Variants in ASB5 observed in about 807,000 individuals in gnomAD.
The protein encoded by ASB5 is ankyrin repeat and SOCS box protein 5.
Under a neutral mutation model 42.1 loss-of-function variants are expected in ASB5, and 45 were observed. The ratio of observed to expected loss-of-function variants is 1.07; its 90% confidence interval spans 0.84 to 1.37. The LOEUF (loss-of-function observed/expected upper bound fraction) is 1.37, where lower values mean the gene tolerates loss of function less well. ASB5 is among the 40% of genes most tolerant of loss of function. The probability of loss-of-function intolerance (pLI) is 0.00; values close to 1 mark genes in which losing one functional copy is unlikely to be tolerated. For synonymous variants in ASB5, 147 were observed against 150.6 expected (o/e 0.98, Z 0.18); for missense variants, 402 against 399.8 (o/e 1.01, Z -0.05).
intron 1 of ASB5, among the ~76,000 whole-genome samples, chr4:176,249,715 G>T (rs1382956732): frequency 6.7e-6 from 1 of 150,272 alleles, no homozygotes; most frequent in Non-Finnish European, 1.5e-5. Flanking sequence ...GCTCCAGAGG[G>T]CTGGGGAAGC....
At chr4:176,257,030 G>A (rs970503896) in intron 1 of ASB5, among the ~76,000 whole-genome samples, 3 of 152,222 alleles carry the variant, frequency 2.0e-5, no homozygotes, top group African/African-American at 7.2e-5. Flanking sequence ...GTTCTTTGTT[G>A]TGAATGTTGA....
rs1752893140 is a variant in ASB5, at chr4:176,213,689, A to G, written c.*1911T>C. On this transcript the variant is annotated 3_prime_UTR_variant, in exon 7 of 7. Transcript: ENST00000296525. ...CACAAAGTGTTTTATTCCAATGAATAATAATCACACTTTAATATAATAACA... is the reference window on the plus strand; with the variant it reads ...CACAAAGTGTTTTATTCCAATGAATGATAATCACACTTTAATATAATAACA... 1 of 152,120 alleles carries G rather than the reference A, an allele frequency of 6.6e-6. No individual in the cohort carries two copies. Among genetic ancestry groups the G allele is most frequent in the African/African-American group, 2.4e-5 (1 of 41,444 alleles). 9.4% of individuals were successfully genotyped at this position (152,120 alleles called of 1,614,324 possible). A position where few individuals can be genotyped will look rare whatever the true frequency, so the allele number is the denominator to read the frequency against.
At chr4:176,238,426 G>T (rs958886842) in intron 1 of ASB5, among the ~76,000 whole-genome samples, 3 of 152,092 alleles carry the variant, frequency 2.0e-5, no homozygotes, top group Admixed American at 6.5e-5. Context: ...ACCCTAAAAG[G>T]CAGAGGAAAG....
At chr4:176,225,626 T>C (rs1372033042) in intron 1 of ASB5, among the ~76,000 whole-genome samples, 1 of 152,218 alleles carries the variant, frequency 6.6e-6, no homozygotes, top group African/African-American at 2.4e-5. Context: ...AGTCTCGCCC[T>C]GTTGCCCAGG....
In ASB5 at chr4:176,225,320, G is replaced by A; in HGVS notation, c.218C>T (p.Pro73Leu). The A allele has an allele frequency of 6.2e-7, 1 of 1,613,940 alleles. No individual in the cohort carries two copies. The highest frequency in any genetic ancestry group is 2.2e-5 in the East Asian group (1 of 44,868). Residue 73 changes from proline (P) to leucine (L), a missense_variant, in exon 2 of 7, where the codon CCA (proline) becomes CTA (leucine). Physicochemically the swap from Pro to Leu is moderately conservative, Grantham distance 98. Coordinates refer to ENST00000296525, the MANE Select transcript of ASB5 (RefSeq NM_080874.4). The part of the protein sequence containing the change: ...QGQGSWADRS[P>L]LHEAASQGRL... ...ACCTTGACTTGCTGCTTCATGTAGT[G>A]GTGATCGATCTGCCCAGGAACCTGT...
chr4:176,265,115 A>G (rs773890308), intron 1 of ASB5, among the ~76,000 whole-genome samples: 1 of 152,140 alleles, frequency 6.6e-6, no homozygotes, highest in African/African-American at 2.4e-5. Flanking sequence ...AAAACTTTCA[A>G]TGACTCCTAC....
In ASB5 at chr4:176,215,710, A is replaced by G. The variant is rs150720057; in HGVS notation, c.880T>C (p.Tyr294His). Residue 294 changes from tyrosine (Y) to histidine (H), a missense_variant, in exon 7 of 7, where the codon TAC (tyrosine) becomes CAC (histidine). Tyr to His is a moderately conservative substitution (Grantham distance 83). Transcript: ENST00000296525. ...LQHEATPSSL[Y>H]QLCRLCIRSY... ...CGGATACAGAGTCGGCAAAGTTGGT[A>G]AAGAGAGCTTGGGGTAGCTACAAGA... The G allele has an allele frequency of 8.1e-6, 13 of 1,612,450 alleles. No homozygotes were observed. Among genetic ancestry groups the G allele is most frequent in the Non-Finnish European group, 1.1e-5 (13 of 1,179,240 alleles).
At chr4:176,248,087 A>C (rs1234231350) in intron 1 of ASB5, among the ~76,000 whole-genome samples, 2 of 152,106 alleles carry the variant, frequency 1.3e-5, no homozygotes, top group African/African-American at 4.8e-5. Flanking sequence ...TTAAACCATA[A>C]TATACTCCCA....
chr4:176,222,511 G>A, intron 2 of ASB5, 91 bp from the exon 3 acceptor site: 1 of 1,205,746 alleles, frequency 8.3e-7, no homozygotes, highest in Non-Finnish European at 1.2e-6. Flanking sequence ...ATATATTTTA[G>A]ACATCAAAGA....
At position 176,220,599 on chromosome 4, in the gene ASB5, G is replaced by T. The variant is rs528241873; in HGVS notation, c.670+556C>A. ...AGTGGGTTAGGAATGTTTTTCAGGGGACTAAAGCTGAATTTACTTGAAACA... is the reference window on the plus strand; with the variant it reads ...AGTGGGTTAGGAATGTTTTTCAGGGTACTAAAGCTGAATTTACTTGAAACA... On this transcript the variant is annotated intron_variant, in intron 5 of 6. Coordinates refer to ENST00000296525, the MANE Select transcript of ASB5 (RefSeq NM_080874.4). Among the ~76,000 whole-genome samples, 3 of 152,274 alleles carry T rather than the reference G, an allele frequency of 2.0e-5. No homozygotes were observed. The East Asian group carries it at 5.8e-4, about 29-fold the overall frequency.
At position 176,269,129 on chromosome 4, in the gene ASB5, C is replaced by T; in HGVS notation, c.-21G>A. ...GACATTGCTGCAGAAGAATCTGCGG[C>T]GGTCTTTAGTTGGATCCAAGTCTCA... On this transcript the variant is annotated 5_prime_UTR_variant, in exon 1 of 7. Coordinates refer to ENST00000296525, the MANE Select transcript of ASB5 (RefSeq NM_080874.4). The T allele has an allele frequency of 3.8e-6, 6 of 1,599,512 alleles. No homozygotes were observed. Among genetic ancestry groups the T allele is most frequent in the Non-Finnish European group, 4.3e-6 (5 of 1,171,478 alleles).
chr4:176,241,134 A>C (rs928158846), intron 1 of ASB5, among the ~76,000 whole-genome samples: 1 of 152,192 alleles, frequency 6.6e-6, no homozygotes, highest in Non-Finnish European at 1.5e-5. Context: ...TATTCTTTAT[A>C]ATTATAACCG....
chr4:176,250,058 C>A (rs1238083700), intron 1 of ASB5, among the ~76,000 whole-genome samples: 1 of 120,480 alleles, frequency 8.3e-6, no homozygotes, highest in African/African-American at 3.1e-5. Context: ...GAGTGAGACT[C>A]CATCTCAAAA....
chr4:176,252,931 G>T (rs1024701872), intron 1 of ASB5, among the ~76,000 whole-genome samples: 7 of 152,278 alleles, frequency 4.6e-5, no homozygotes, highest in African/African-American at 1.7e-4. Flanking sequence ...GTAGGGCACA[G>T]TTATGAGGAT....
At chr4:176,242,308 T>G (rs1296968001) in intron 1 of ASB5, among the ~76,000 whole-genome samples, 1 of 152,216 alleles carries the variant, frequency 6.6e-6, no homozygotes, top group African/African-American at 2.4e-5. Context: ...TTGTTTTCTC[T>G]ATTATTGTGG....
chr4:176,232,237 C>A (rs1038874111), intron 1 of ASB5, among the ~76,000 whole-genome samples: 4 of 151,760 alleles, frequency 2.6e-5, no homozygotes, highest in African/African-American at 9.7e-5. Flanking sequence ...ATTCCCCTGC[C>A]TCAGCCACCC....
chr4:176,259,365 A>T (rs1160306086), intron 1 of ASB5, among the ~76,000 whole-genome samples: 1 of 152,194 alleles, frequency 6.6e-6, no homozygotes, highest in Non-Finnish European at 1.5e-5. Flanking sequence ...TTACTTGATG[A>T]ATGACGGAAA....
rs1754421066 is a variant in ASB5 at position 176,269,090 on chromosome 4, T to G, written c.19A>C (p.Asn7His). 6.2e-7 allele frequency: 1 copy of G among 1,610,674 alleles called. No individual in the cohort carries two copies. The highest frequency in any genetic ancestry group is 2.2e-5 in the East Asian group (1 of 44,708). MSVLEE[N>H]RPFAQQLSNV... ...GATAATTGTTGAGCAAACGGCCGAT[T>G]TTCTTCTAACACCGACATTGCTGCA... The change falls in exon 1 of 7, where the codon AAT becomes CAT. Residue 7 changes from asparagine (N) to histidine (H), a missense_variant. Asn to His is a moderately conservative substitution (Grantham distance 68). Transcript: ENST00000296525.
At chr4:176,216,286 A>G (rs1752966739) in intron 6 of ASB5, among the ~76,000 whole-genome samples, 1 of 152,182 alleles carries the variant, frequency 6.6e-6, no homozygotes, top group African/African-American at 2.4e-5. Flanking sequence ...TACTGAAACT[A>G]ATTGAATATA....
Sources: gnomAD v4.1 joint callset for allele counts (sites outside exome capture counted in the v4.1 genomes callset) on GRCh38, gnomAD v4.1.1 for gene constraint, MANE v1.5 for transcripts, NCBI Gene and HGNC (gene_info 2026-07-23, HGNC 2026-07-21) for gene names.